Variants in C2CD3 observed in about 807,000 individuals in gnomAD.
The protein encoded by C2CD3 is C2 domain-containing protein 3.
C2CD3 carries 148 observed loss-of-function variants against 234.0 expected under a neutral mutation model. The observed-to-expected ratio is 0.63, with a 90% CI of 0.55 to 0.72. The LOEUF is 0.72. Ranked by LOEUF, C2CD3 falls within the 30% of genes least tolerant of loss-of-function variation. C2CD3 has a pLI of 0.00. For missense variants in C2CD3, 2,577 were observed against 2,811.5 expected, an observed-to-expected ratio of 0.92 and a Z score of 1.89; for synonymous variants, 1,000 against 1,035.4, an observed-to-expected ratio of 0.97 and a Z score of 0.66.
chr11:74,124,954 T>C (rs1957359152), intron 7 of C2CD3, among the ~76,000 whole-genome samples: 1 of 152,222 alleles, frequency 6.6e-6, no homozygotes, highest in Non-Finnish European at 1.5e-5. Flanking sequence ...TTTGCCTGTG[T>C]TCCTTGGCCA....
At chr11:74,057,950 C>A (rs1277170947) in intron 24 of C2CD3, among the ~76,000 whole-genome samples, 1 of 150,846 alleles carries the variant, frequency 6.6e-6, no homozygotes, top group East Asian at 1.9e-4. Context: ...CAGAGTGAGA[C>A]CGTGTCAATC....
chr11:74,038,192 A>G (rs1415079542), intron 29 of C2CD3, among the ~76,000 whole-genome samples: 1 of 151,922 alleles, frequency 6.6e-6, no homozygotes, highest in Non-Finnish European at 1.5e-5. Context: ...TTTAACACCT[A>G]TTTCCCCTGA....
chr11:74,170,724 A>G lies in C2CD3; in HGVS notation c.55+14T>C, dbSNP rs776115425. On this transcript the variant is annotated intron_variant, in intron 1 of 32. Coordinates refer to ENST00000334126, the MANE Select transcript of C2CD3 (RefSeq NM_001286577.2). ...CCTATTACGCTTTCCTCAATCTTTG[A>G]TCGCTCAGGTTACCTCTTTTTTTGC... The G allele has an allele frequency of 6.2e-7, 1 of 1,614,038 alleles. No homozygotes were observed. Among genetic ancestry groups the G allele is most frequent in the East Asian group, 2.2e-5 (1 of 44,856 alleles).
chr11:74,073,737 C>G (rs1475433551), intron 24 of C2CD3, among the ~76,000 whole-genome samples: 1 of 152,088 alleles, frequency 6.6e-6, no homozygotes, highest in African/African-American at 2.4e-5. Flanking sequence ...GACAATATCA[C>G]AGGTACTATT....
At position 74,090,852 on chromosome 11, in the gene C2CD3, A is replaced by G. The variant is rs564364846; in HGVS notation, c.3602T>C (p.Val1201Ala). The change falls in exon 20 of 33, where the codon GTC becomes GCC. Residue 1201 changes from valine to alanine, a missense_variant. By Grantham distance (64) the Val-to-Ala change is moderately conservative (BLOSUM62 0). Transcript: ENST00000334126. ...CAGACCACAGGCTCTGATAATCTGGACTGAGATGGAAACAGTTCGGGCAGC... is the reference window on the plus strand; with the variant it reads ...CAGACCACAGGCTCTGATAATCTGGGCTGAGATGGAAACAGTTCGGGCAGC... ...VLAARTVSIS[V>A]QIIRACGLQA... 3 of 1,614,104 alleles carry G rather than the reference A, an allele frequency of 1.9e-6. No homozygotes were observed. Among genetic ancestry groups the G allele is most frequent in the Non-Finnish European group, 2.5e-6 (3 of 1,179,982 alleles).
chr11:74,137,887 G>A (rs1306130421), intron 5 of C2CD3, among the ~76,000 whole-genome samples: 3 of 152,098 alleles, frequency 2.0e-5, no homozygotes, highest in Non-Finnish European at 2.9e-5. Flanking sequence ...TGCCCGGCCC[G>A]TGTATTTTTT....
At position 74,087,152 on chromosome 11, in the gene C2CD3, T is replaced by C. The variant is rs1406978692; in HGVS notation, c.3642-1266A>G. Among the ~76,000 whole-genome samples the C allele has an allele frequency of 3.9e-5, 6 of 152,366 alleles. No homozygotes were observed. In the East Asian group the frequency reaches 1.2e-3, roughly 29 times the overall value. On this transcript the variant is annotated intron_variant, in intron 20 of 32. Transcript: ENST00000334126. ...TTTCATTATCGTTAATGATCATTAA[T>C]AGATGATTTATCATTAACAGAAGAT... is the stretch of plus-strand genomic sequence containing the variant.
At chr11:74,130,350 T>C (rs1957623238) in intron 7 of C2CD3, among the ~76,000 whole-genome samples, 1 of 151,900 alleles carries the variant, frequency 6.6e-6, no homozygotes, top group African/African-American at 2.4e-5. Context: ...CTCAGTCTCC[T>C]GAGTAGCTAG....
intron 32 of C2CD3, among the ~76,000 whole-genome samples, chr11:74,026,045 C>T (rs1952279464): frequency 6.6e-6 from 1 of 152,168 alleles, no homozygotes; most frequent in African/African-American, 2.4e-5. Context: ...AACTGCAGAT[C>T]TTCCTGGACA....
intron 3 of C2CD3, among the ~76,000 whole-genome samples, chr11:74,143,299 C>T (rs568590144): frequency 5.3e-5 from 8 of 152,116 alleles, no homozygotes; most frequent in Non-Finnish European, 1.0e-4. Flanking sequence ...ATAATTTTCA[C>T]AATCATGTTG....
intron 16 of C2CD3, among the ~76,000 whole-genome samples, chr11:74,096,556 C>T (rs1956114735): frequency 6.6e-6 from 1 of 152,014 alleles, no homozygotes; most frequent in South Asian, 2.1e-4. Flanking sequence ...ATTTGATATT[C>T]AGTTCTGCAA....
intron 22 of C2CD3, among the ~76,000 whole-genome samples, chr11:74,079,520 C>A (rs1269869486): frequency 6.6e-6 from 1 of 150,942 alleles, no homozygotes; most frequent in Non-Finnish European, 1.5e-5. Context: ...AGCCACTGCA[C>A]CTGGACAAAA....
At chr11:74,170,636 G>T in intron 1 of C2CD3, 102 bp downstream of exon 1, 3 of 1,340,718 alleles carry the variant, frequency 2.2e-6, no homozygotes, top group Non-Finnish European at 3.2e-6. Flanking sequence ...TCCTTCTTAC[G>T]TCCCTTTTCT....
At chr11:74,079,425 TTGTGATACCCAG>T (rs1955229169) in intron 22 of C2CD3, among the ~76,000 whole-genome samples, 1 of 151,816 alleles carries the variant, frequency 6.6e-6, no homozygotes, top group South Asian at 2.1e-4. Context: ...TAGGGTCGTG[TTGTGATACCCAG>T]GCTGGTCTTG....
At chr11:74,016,292 A>G (rs982242752) in intron 32 of C2CD3, among the ~76,000 whole-genome samples, 5 of 150,458 alleles carry the variant, frequency 3.3e-5, no homozygotes, top group Admixed American at 1.3e-4. Flanking sequence ...AACAGCTGAG[A>G]AAGTCTGGGG....
intron 2 of C2CD3, among the ~76,000 whole-genome samples, chr11:74,165,051 T>C (rs1856715565): frequency 6.6e-6 from 1 of 152,148 alleles, no homozygotes; most frequent in Non-Finnish European, 1.5e-5. Context: ...AGCCCGGCTG[T>C]CTGAGAGAGA....
At chr11:74,079,532 C>T (rs1338092082) in intron 22 of C2CD3, among the ~76,000 whole-genome samples, 1 of 151,000 alleles carries the variant, frequency 6.6e-6, no homozygotes, top group Admixed American at 6.7e-5. Context: ...TGGACAAAAA[C>T]TACTCTTTAT....
intron 32 of C2CD3, among the ~76,000 whole-genome samples, chr11:74,019,563 T>G (rs1320429): frequency 0.078 from 11,930 of 152,218 alleles, 1,466 homozygotes; most frequent in African/African-American, 0.26. Flanking sequence ...CCAGGATCAG[T>G]AAGTTCCCTC....
rs367961250 is a variant in C2CD3, at chr11:74,114,552, T to C, written c.1562A>G (p.Asp521Gly). Residue 521 changes from aspartate to glycine, a missense_variant, in exon 10 of 33, where the codon GAT becomes GGT. Coordinates refer to ENST00000334126, the MANE Select transcript of C2CD3 (RefSeq NM_001286577.2). Reference sequence around the variant, plus strand: ...CACACTTAGTGTCATCGTTTGGGCATCTTCTGGAGTTTCTGAGAGCATCTG... The same window carrying C: ...CACACTTAGTGTCATCGTTTGGGCACCTTCTGGAGTTTCTGAGAGCATCTG... ...EQQMLSETPE[D>G]AQTMTLSVDR... is the part of the protein sequence containing the mutation. The C allele has an allele frequency of 1.9e-6, 3 of 1,613,970 alleles. No individual in the cohort carries two copies. The African/African-American group carries it at 4.0e-5, about 22-fold the overall frequency.
Sources: gnomAD v4.1 joint callset for allele counts (sites outside exome capture counted in the v4.1 genomes callset) on GRCh38, gnomAD v4.1.1 for gene constraint, MANE v1.5 for transcripts, NCBI Gene and HGNC (gene_info 2026-07-23, HGNC 2026-07-21) for gene names.